Variants in EMID1 observed in about 807,000 individuals in gnomAD.
The protein encoded by EMID1 is EMI domain-containing protein 1.
A neutral mutation model predicts 60.6 loss-of-function variants in EMID1; 40 were observed. The observed-to-expected ratio is 0.66, with a 90% CI of 0.51 to 0.86. The LOEUF is 0.86. Among genes scored for constraint, EMID1 ranks in the 40% least tolerant of loss-of-function variants. The pLI is 0.00. For synonymous variants in EMID1, 242 were observed against 231.0 expected (o/e 1.05, Z -0.43); for missense variants, 585 against 597.1 (o/e 0.98, Z 0.21).
chr22:29,225,042 AG>A, intron 3 of EMID1, 90 bp from the exon 4 acceptor site: 1 of 1,327,600 alleles, frequency 7.5e-7, no homozygotes, highest in East Asian at 2.3e-5. Flanking sequence ...TGAGGGCAGT[AG>A]GGGTCCCTGC....
chr22:29,254,094 G>C (rs1001094558), intron 13 of EMID1, 109 bp from the exon 14 acceptor site: 7 of 1,580,706 alleles, frequency 4.4e-6, no homozygotes, highest in Non-Finnish European at 6.0e-6. Context: ...GTGGCAGGTA[G>C]TGTGGGGCTG....
intron 5 of EMID1, among the ~76,000 whole-genome samples, chr22:29,227,723 A>C (rs894244874): frequency 3.9e-4 from 56 of 144,128 alleles, no homozygotes; most frequent in Non-Finnish European, 7.8e-4. Context: ...AAAAAAAAAA[A>C]AAAACAAATT....
chr22:29,221,270 A>G (rs560742830), intron 3 of EMID1, among the ~76,000 whole-genome samples: 5 of 152,084 alleles, frequency 3.3e-5, no homozygotes, highest in African/African-American at 1.2e-4. Context: ...TTCAGTAGGA[A>G]CCACCAGGCT....
chr22:29,216,331 C>T lies in EMID1; in HGVS notation c.319+701C>T, dbSNP rs138256681. ...CCTCTCCTCTCCTCCAGGCACCTGC[C>T]CCTCTGCTGAGCAGCCCAGGCCTCT... On this transcript the variant is annotated intron_variant, in intron 3 of 14. Transcript: ENST00000334018. 313 of 985,448 alleles carry T rather than the reference C, an allele frequency of 3.2e-4. No individual in the cohort carries two copies. In the Middle Eastern group the frequency reaches 0.011, roughly 35 times the overall value. 61.0% of individuals were successfully genotyped at this position (985,448 alleles called of 1,614,324 possible).
Position 29,214,994 on chromosome 22 carries a change from G to T in EMID1, c.170G>T (p.Arg57Leu), listed in dbSNP as rs755284659. The change falls in exon 2 of 15, where the codon CGA (arginine) becomes CTA (leucine). Residue 57 changes from arginine to leucine, a missense_variant. Transcript: ENST00000334018. ...GTGCAGAATGGCACCTACCTTCAGC[G>T]AGTGCTGCAGAACTGCCCCTGGCCC... is the stretch of plus-strand genomic sequence containing the variant. ...CHVQNGTYLQ[R>L]VLQNCPWPMS... 2 of 1,552,842 alleles carry T rather than the reference G, an allele frequency of 1.3e-6. No homozygotes were observed. Among genetic ancestry groups the T allele is most frequent in the Non-Finnish European group, 8.7e-7 (1 of 1,146,856 alleles).
chr22:29,251,382 ATTTT>A (rs59254675), intron 13 of EMID1, among the ~76,000 whole-genome samples: 2 of 143,388 alleles, frequency 1.4e-5, no homozygotes, highest in Non-Finnish European at 3.1e-5. Context: ...GCATCTGGCC[ATTTT>A]TTTTTTTTTT....
intron 1 of EMID1, among the ~76,000 whole-genome samples, chr22:29,207,127 TCTC>T (rs2039697405): frequency 6.6e-6 from 1 of 152,154 alleles, no homozygotes; most frequent in Non-Finnish European, 1.5e-5. Context: ...TTTCAGAAAT[TCTC>T]CTTTCCCAGT....
rs553204118 is a variant in EMID1 at position 29,255,172 on chromosome 22, C to T, written c.1204+885C>T. 182 of 719,236 alleles carry T rather than the reference C, an allele frequency of 2.5e-4. No homozygotes were observed. In the African/African-American group the frequency reaches 2.7e-3, roughly 11 times the overall value. The allele number at this position is 719,236 out of a possible 1,614,324, so 44.6% of individuals were successfully genotyped here. Reference sequence around the variant, plus strand: ...ACTCACTCCCAGGCTCCTGCCCTGACGCCAGCTGGCAGTGCCCTCCCACCC... The same window carrying T: ...ACTCACTCCCAGGCTCCTGCCCTGATGCCAGCTGGCAGTGCCCTCCCACCC... On this transcript the variant is annotated intron_variant, in intron 14 of 14. Coordinates refer to ENST00000334018, the MANE Select transcript of EMID1 (RefSeq NM_133455.4).
intron 3 of EMID1, among the ~76,000 whole-genome samples, chr22:29,216,169 A>G (rs994101742): frequency 3.9e-5 from 6 of 152,138 alleles, no homozygotes; most frequent in African/African-American, 1.4e-4. Flanking sequence ...AGCATGTCCC[A>G]GGCTCAGGGA....
intron 13 of EMID1, among the ~76,000 whole-genome samples, chr22:29,249,247 T>C (rs1351521352): frequency 6.7e-6 from 1 of 150,190 alleles, no homozygotes; most frequent in Admixed American, 6.6e-5. Context: ...TTTTTTTTCC[T>C]TTTTTTTGAG....
intron 5 of EMID1, among the ~76,000 whole-genome samples, chr22:29,227,721 AAAAAAAC>A (rs2040571049): frequency 6.6e-6 from 1 of 151,256 alleles, no homozygotes; most frequent in Non-Finnish European, 1.5e-5. Flanking sequence ...AAAAAAAAAA[AAAAAAAC>A]AAATTAGGCC....
chr22:29,219,308 G>A (rs2040201870), intron 3 of EMID1, among the ~76,000 whole-genome samples: 1 of 152,146 alleles, frequency 6.6e-6, no homozygotes, highest in South Asian at 2.1e-4. Context: ...GAGAGGCCGG[G>A]GCTCCCTCCC....
chr22:29,240,699 G>A (rs554858061), intron 12 of EMID1, among the ~76,000 whole-genome samples: 3 of 152,344 alleles, frequency 2.0e-5, no homozygotes, highest in South Asian at 4.1e-4. Flanking sequence ...TGCGCTTGAC[G>A]CATCGCATTC....
chr22:29,248,810 C>T (rs370549046), intron 13 of EMID1, among the ~76,000 whole-genome samples: 140 of 98,554 alleles, frequency 1.4e-3, no homozygotes, highest in Middle Eastern at 0.012. Flanking sequence ...CACTGCACTC[C>T]AACCTGGGCG....
intron 4 of EMID1, 45 bp downstream of exon 4, chr22:29,225,261 GC>G: frequency 6.2e-7 from 1 of 1,602,314 alleles, no homozygotes; most frequent in Non-Finnish European, 8.5e-7. Flanking sequence ...GGCTGAGGGA[GC>G]CCTGGAGGGG....
chr22:29,253,898 T>C, intron 13 of EMID1: 3 of 985,476 alleles, frequency 3.0e-6, no homozygotes, highest in Non-Finnish European at 3.6e-6. Flanking sequence ...ACTGCCGTTC[T>C]GCCCCTGAAG....
chr22:29,224,617 G>A (rs891955059), intron 3 of EMID1, among the ~76,000 whole-genome samples: 28 of 152,254 alleles, frequency 1.8e-4, no homozygotes, highest in African/African-American at 6.3e-4. Flanking sequence ...CAGCAAGAGT[G>A]TGGATGGCGA....
intron 14 of EMID1, chr22:29,255,148 C>T (rs957968961): frequency 5.2e-6 from 3 of 579,074 alleles, no homozygotes; most frequent in Non-Finnish European, 8.8e-6. Context: ...AGTACTGAGA[C>T]TCACTCCCAG....
At chr22:29,253,978 CGGGACCTTCT>C in intron 13 of EMID1, 4 of 985,456 alleles carry the variant, frequency 4.1e-6, no homozygotes, top group Non-Finnish European at 4.8e-6. Context: ...TGGGATCCAA[CGGGACCTTCT>C]GGGAGGTCCT....
Sources: allele counts gnomAD v4.1 joint callset (sites outside exome capture counted in the v4.1 genomes callset), GRCh38; gene constraint gnomAD v4.1.1; transcripts MANE v1.5; gene names NCBI Gene and HGNC (gene_info 2026-07-23, HGNC 2026-07-21).